RC3H1: variants seen among roughly 807,000 people sequenced by gnomAD.
RC3H1 encodes the protein ring finger and CCCH-type domains 1.
RC3H1 carries 50 observed loss-of-function variants against 138.2 expected under a neutral mutation model. That is an observed-to-expected ratio of 0.36 (90% CI 0.29 to 0.46). RC3H1 has a LOEUF of 0.46. Ranked by LOEUF, RC3H1 falls within the 20% of genes least tolerant of loss-of-function variation. RC3H1 has a pLI of 1.00. For missense variants in RC3H1, 1,031 were observed against 1,388.1 expected (o/e 0.74, Z 4.09); for synonymous variants, 462 against 489.1 (o/e 0.94, Z 0.73).
intron 13 of RC3H1, among the ~76,000 whole-genome samples, chr1:173,959,165 G>A (rs373875540): frequency 1.9e-4 from 29 of 149,294 alleles, no homozygotes; most frequent in African/African-American, 7.4e-4. Context: ...AGGGGAAAAA[G>A]ATTATTCAGA....
intron 9 of RC3H1, among the ~76,000 whole-genome samples, chr1:173,967,731 C>A (rs1660182713): frequency 6.6e-6 from 1 of 152,132 alleles, no homozygotes; most frequent in East Asian, 1.9e-4. Flanking sequence ...TGTGTCATTT[C>A]CTCACCAAGC....
intron 1 of RC3H1, among the ~76,000 whole-genome samples, chr1:173,998,655 C>G (rs931841873): frequency 6.6e-6 from 1 of 152,198 alleles, no homozygotes; most frequent in African/African-American, 2.4e-5. Context: ...TGACATTTCA[C>G]TATTAATTTA....
At position 174,010,114 on chromosome 1, in the gene RC3H1, G is replaced by A. The variant is rs144033531; in HGVS notation, c.-151+11982C>T. On this transcript the variant is annotated intron_variant, in intron 1 of 19. Coordinates refer to ENST00000367696, the MANE Select transcript of RC3H1 (RefSeq NM_172071.4). ...GACAATGCACATTTCTGGTAATCAT[G>A]CCTGATGTCCTCACTTTTATCTTCC... 4.0e-3 allele frequency among the ~76,000 whole-genome samples: 613 copies of A among 151,700 alleles called. 2 individuals carry two copies. Among genetic ancestry groups the A allele is most frequent in the Admixed American group, 7.9e-3 (121 of 15,238 alleles).
At chr1:173,964,556 T>C (rs992896425) in intron 10 of RC3H1, among the ~76,000 whole-genome samples, 2 of 150,774 alleles carry the variant, frequency 1.3e-5, no homozygotes, top group African/African-American at 4.9e-5. Flanking sequence ...TTAGTAGAAA[T>C]GGGTTTCATC....
chr1:173,964,927 G>A lies in RC3H1; in HGVS notation c.1528C>T (p.Arg510Ter), dbSNP rs370962779. Residue 510 changes from arginine (R) to a stop codon, truncating the protein, a stop_gained, in exon 10 of 20, where the codon CGA (arginine) becomes TGA (stop). Transcript: ENST00000367696. LOFTEE classifies it high-confidence loss of function. ...GAATCATAGCTGGGGTCTGTCCCTC[G>A]CGGAATAAGCTGTGTTACTGTATTC... Reference protein sequence around the residue: ...TGNTVTQLIPRGTDPSYDSSL... With the variant: ...TGNTVTQLIP 2 of 1,613,900 alleles carry A rather than the reference G, an allele frequency of 1.2e-6. No homozygotes were observed. The highest frequency in any genetic ancestry group is 1.7e-5 in the Admixed American group (1 of 59,992).
chr1:174,016,769 A>T (rs368611557), intron 1 of RC3H1, among the ~76,000 whole-genome samples: 2 of 152,212 alleles, frequency 1.3e-5, no homozygotes, highest in African/African-American at 4.8e-5. Context: ...TGAATTTAAG[A>T]TAACAATATA....
intron 11 of RC3H1, among the ~76,000 whole-genome samples, chr1:173,963,508 C>T (rs1659968397): frequency 6.6e-6 from 1 of 152,128 alleles, no homozygotes; most frequent in African/African-American, 2.4e-5. Flanking sequence ...TCTGTAAACT[C>T]TCTAAAGGTG....
chr1:173,970,541 C>G lies in RC3H1; in HGVS notation c.1298G>C (p.Ser433Thr), dbSNP rs755660850. 1 of 1,613,908 alleles carries G rather than the reference C, an allele frequency of 6.2e-7. No individual in the cohort carries two copies. The highest frequency in any genetic ancestry group is 8.5e-7 in the Non-Finnish European group (1 of 1,179,882). Residue 433 changes from serine (S) to threonine (T), a missense_variant, in exon 9 of 20, where the codon AGC becomes ACC. By Grantham distance (58) the Ser-to-Thr change is moderately conservative. Around this residue, in one of 7 missense-constraint regions of RC3H1, gnomAD observed 142 missense variants for 224.6 expected, o/e 0.63. Coordinates refer to ENST00000367696, the MANE Select transcript of RC3H1 (RefSeq NM_172071.4). The stretch of plus-strand genomic sequence containing the variant: ...CTCCTGTGAGTGTGCAAATGTACAG[C>G]TGGCCCCACGAGGGCATCCTCCTCT... ...KQRGGCPRGA[S>T]CTFAHSQEEL...
At chr1:174,006,801 T>C (rs61826784) in intron 1 of RC3H1, among the ~76,000 whole-genome samples, 14,150 of 152,182 alleles carry the variant, frequency 0.093, 880 homozygotes, top group East Asian at 0.22. Flanking sequence ...GTCTTGAAGA[T>C]TTTATTAAAA....
chr1:173,960,107 CAAAAA>C (rs58330993), intron 13 of RC3H1, among the ~76,000 whole-genome samples: 5 of 51,126 alleles, frequency 9.8e-5, no homozygotes, highest in African/African-American at 3.5e-4. Context: ...GACTCCGACT[CAAAAA>C]AAAAAAAAAA....
chr1:173,995,258 G>A (rs1661435385), intron 1 of RC3H1, among the ~76,000 whole-genome samples: 1 of 152,146 alleles, frequency 6.6e-6, no homozygotes, highest in African/African-American at 2.4e-5. Flanking sequence ...ATGAGGCCAG[G>A]CATGGTGGCC....
intron 2 of RC3H1, among the ~76,000 whole-genome samples, chr1:173,991,993 T>C (rs58183915): frequency 0.022 from 3,330 of 150,554 alleles, 134 homozygotes; most frequent in African/African-American, 0.077. Context: ...TGTTGTGCTA[T>C]AGTTTTTGTC....
At chr1:173,983,277 C>A in intron 4 of RC3H1, 141 bp downstream of exon 4, 2 of 1,056,160 alleles carry the variant, frequency 1.9e-6, no homozygotes, top group Non-Finnish European at 2.7e-6. Flanking sequence ...CATGGAATTG[C>A]CCAAGCCATG....
chr1:174,017,216 A>G (rs904300004), intron 1 of RC3H1, among the ~76,000 whole-genome samples: 4 of 152,224 alleles, frequency 2.6e-5, no homozygotes, highest in African/African-American at 9.6e-5. Flanking sequence ...CAAGTTCTAG[A>G]TAGGAGACCA....
intron 2 of RC3H1, among the ~76,000 whole-genome samples, chr1:173,987,045 G>A (rs962113431): frequency 6.6e-6 from 1 of 152,098 alleles, no homozygotes; most frequent in East Asian, 1.9e-4. Context: ...GAAGATCATA[G>A]GGGAAAAGTG....
At chr1:173,952,922 C>T (rs908676747) in intron 13 of RC3H1, among the ~76,000 whole-genome samples, 1 of 152,132 alleles carries the variant, frequency 6.6e-6, no homozygotes, top group Non-Finnish European at 1.5e-5. Flanking sequence ...TAGGGCAGTG[C>T]TAGGACTATA....
chr1:173,989,819 C>CG (rs1381971896), intron 2 of RC3H1, among the ~76,000 whole-genome samples: 1 of 149,082 alleles, frequency 6.7e-6, no homozygotes, highest in African/African-American at 2.5e-5. Context: ...CTCCGCTTCC[C>CG]GGGTTCACGC....
intron 9 of RC3H1, among the ~76,000 whole-genome samples, chr1:173,967,513 C>T (rs1660173480): frequency 6.6e-6 from 1 of 152,192 alleles, no homozygotes; most frequent in African/African-American, 2.4e-5. Flanking sequence ...CTGGGTAGCA[C>T]TGGTCTTGTT....
At position 173,946,821 on chromosome 1, in the gene RC3H1, C is replaced by A. The variant is rs772315521; in HGVS notation, c.2753G>T (p.Gly918Val). The A allele has an allele frequency of 3.1e-6, 5 of 1,605,744 alleles. No individual in the cohort carries two copies. The South Asian group carries it at 4.4e-5, about 14-fold the overall frequency. ...SINISDYSPYGTHGGWGASPY... is the reference protein window; with the variant it reads ...SINISDYSPYVTHGGWGASPY... ...AGAAGCTCCCCAGCCACCGTGGGTT[C>A]CATATGGACTATAATCTGTAAGAGA... is the stretch of plus-strand genomic sequence containing the variant. Residue 918 changes from glycine to valine, a missense_variant, in exon 16 of 20, where the codon GGA becomes GTA. By Grantham distance (109) the Gly-to-Val change is moderately radical. Coordinates refer to ENST00000367696, the MANE Select transcript of RC3H1 (RefSeq NM_172071.4).
Sources: allele counts gnomAD v4.1 joint callset (sites outside exome capture counted in the v4.1 genomes callset), GRCh38; gene constraint gnomAD v4.1.1; regional missense constraint gnomAD v4.1.1; transcripts MANE v1.5; gene names NCBI Gene and HGNC (gene_info 2026-07-23, HGNC 2026-07-21).